The following RELN variants were observed in gnomAD, a reference collection of about 807,000 sequenced individuals.
The protein encoded by RELN is reelin.
Under a neutral mutation model 427.6 loss-of-function variants are expected in RELN, and 108 were observed. The ratio of observed to expected loss-of-function variants is 0.25; its 90% CI spans 0.22 to 0.30. The LOEUF (loss-of-function observed/expected upper bound fraction) is 0.30. Among genes scored for constraint, RELN ranks in the 10% least tolerant of loss-of-function variants. RELN has a pLI of 1.00. For synonymous variants in RELN, 1,524 were observed against 1,513.4 expected, an observed-to-expected ratio of 1.01 and a Z score of -0.16; for missense variants, 3,715 against 4,302.8, an observed-to-expected ratio of 0.86 and a Z score of 3.82.
intron 46 of RELN, among the ~76,000 whole-genome samples, chr7:103,529,712 C>T (rs1584267832): frequency 6.6e-6 from 1 of 151,984 alleles, no homozygotes; most frequent in Admixed American, 6.6e-5. Flanking sequence ...AATAAAGAGG[C>T]AGTACTAATA....
chr7:103,491,405 T>G (rs1312139531), intron 58 of RELN, among the ~76,000 whole-genome samples: 1 of 152,204 alleles, frequency 6.6e-6, no homozygotes, highest in Non-Finnish European at 1.5e-5. Flanking sequence ...ATATAAAGTT[T>G]CTTGGTGGCA....
chr7:103,913,365 C>T (rs993143114), intron 2 of RELN, among the ~76,000 whole-genome samples: 2 of 152,144 alleles, frequency 1.3e-5, no homozygotes, highest in African/African-American at 4.8e-5. Flanking sequence ...TTATTTGTCA[C>T]AGCTAGTTAA....
At chr7:103,728,247 G>A in intron 6 of RELN, 40 bp from the exon 7 acceptor site, 1 of 1,579,170 alleles carries the variant, frequency 6.3e-7, no homozygotes, top group Non-Finnish European at 8.7e-7. Context: ...TGAGAACTAA[G>A]TAGCACACGT....
intron 1 of RELN, among the ~76,000 whole-genome samples, chr7:103,957,906 A>G (rs992918622): frequency 1.3e-5 from 2 of 152,152 alleles, no homozygotes. Context: ...AAGGATAATA[A>G]CATATTACCC....
intron 20 of RELN, among the ~76,000 whole-genome samples, chr7:103,615,958 C>T (rs1253875502): frequency 1.3e-5 from 2 of 152,166 alleles, no homozygotes; most frequent in African/African-American, 4.8e-5. Flanking sequence ...GGCAGACACA[C>T]ATAGCCAAAG....
chr7:103,814,447 T>C (rs540581808), intron 3 of RELN, among the ~76,000 whole-genome samples: 10 of 152,308 alleles, frequency 6.6e-5, no homozygotes, highest in Admixed American at 6.5e-4. Context: ...TTGGAAAGAA[T>C]ATAGTTATCT....
At position 103,595,303 on chromosome 7, in the gene RELN, T is replaced by C. The variant is rs551194618; in HGVS notation, c.3540-811A>G. 1.4e-4 allele frequency among the ~76,000 whole-genome samples: 22 copies of C among 152,308 alleles called. No homozygotes were observed. The South Asian group carries it at 4.1e-3, about 29-fold the overall frequency. ...ACCATTATCAATTCCCTCTCTACTA[T>C]ATTGCATCTAGGAGAATCTCACAAG... On this transcript the variant is annotated intron_variant, in intron 25 of 64. Coordinates refer to ENST00000428762, the MANE Select transcript of RELN (RefSeq NM_005045.4).
chr7:103,779,672 T>C (rs1404089483), intron 3 of RELN, among the ~76,000 whole-genome samples: 1 of 152,186 alleles, frequency 6.6e-6, no homozygotes, highest in Non-Finnish European at 1.5e-5. Flanking sequence ...AATATGATGG[T>C]AGCTTTCAAT....
At chr7:103,845,337 AC>A (rs1365215474) in intron 2 of RELN, among the ~76,000 whole-genome samples, 30 of 152,122 alleles carry the variant, frequency 2.0e-4, no homozygotes, top group Admixed American at 2.0e-3. Flanking sequence ...ATGCGTCACC[AC>A]GCCTGGCTAA....
intron 25 of RELN, among the ~76,000 whole-genome samples, chr7:103,594,839 T>A (rs1831501744): frequency 1.3e-5 from 2 of 152,196 alleles, no homozygotes; most frequent in African/African-American, 4.8e-5. Context: ...TACATGAAGA[T>A]AATATTTAAC....
intron 2 of RELN, among the ~76,000 whole-genome samples, chr7:103,892,023 T>C (rs1794861381): frequency 6.6e-6 from 1 of 152,180 alleles, no homozygotes; most frequent in Non-Finnish European, 1.5e-5. Context: ...AACTGTCCCA[T>C]CTAGAACTGT....
chr7:103,636,525 G>A lies in RELN; in HGVS notation c.2070-57C>T, dbSNP rs1431853630. On this transcript the variant is annotated intron_variant, in intron 17 of 64. Coordinates refer to ENST00000428762, the MANE Select transcript of RELN (RefSeq NM_005045.4). Reference sequence around the variant, plus strand: ...ACTGTTGGCTGTTTCGGAGATTCTCGAATCTACTTTGGGGAGGAAGAAGTC... The same window carrying A: ...ACTGTTGGCTGTTTCGGAGATTCTCAAATCTACTTTGGGGAGGAAGAAGTC... The A allele has an allele frequency of 4.1e-5, 47 of 1,154,194 alleles. 1 individual carries two copies. The East Asian group carries it at 1.1e-3, about 27-fold the overall frequency. 71.5% of individuals were successfully genotyped at this position (1,154,194 alleles called of 1,614,324 possible). A position where few individuals can be genotyped will look rare whatever the true frequency, so the allele number is the denominator to read the frequency against.
intron 1 of RELN, among the ~76,000 whole-genome samples, chr7:103,946,469 G>A (rs1796222359): frequency 1.3e-5 from 2 of 152,096 alleles, no homozygotes; most frequent in South Asian, 4.1e-4. Context: ...ATTTAAAATG[G>A]TAACTAAGTA....
chr7:103,806,615 A>T (rs764290549), intron 3 of RELN, among the ~76,000 whole-genome samples: 1 of 152,118 alleles, frequency 6.6e-6, no homozygotes, highest in Non-Finnish European at 1.5e-5. Context: ...GTGAGCCACC[A>T]TGCCCGGCCA....
chr7:103,661,593 A>G, intron 11 of RELN, 66 bp from the exon 12 acceptor site: 1 of 1,471,002 alleles, frequency 6.8e-7, no homozygotes, highest in Non-Finnish European at 9.4e-7. Flanking sequence ...AAAGAATAAC[A>G]TTTAGTTTTT....
chr7:103,478,531 A>C, intron 63 of RELN, 137 bp from the exon 64 acceptor site: 1 of 676,486 alleles, frequency 1.5e-6, no homozygotes, highest in Non-Finnish European at 2.7e-6. Context: ...ATCTCTTTTG[A>C]AAATAAAAAT....
In RELN at chr7:103,574,161, T is replaced by G. The variant is rs750670413; in HGVS notation, c.4442A>C (p.Lys1481Thr). ...GTGCGTLNDG[K>T]SLYFNGPGKR... ...CCCAGGGCCATTGAAGTAGAGAGAT[T>G]TGCCATCGTTAAGTGTTCCACAGCC... Residue 1481 changes from lysine to threonine, a missense_variant, in exon 30 of 65, where the codon AAA (lysine) becomes ACA (threonine). Coordinates refer to ENST00000428762, the MANE Select transcript of RELN (RefSeq NM_005045.4). 6.2e-7 allele frequency: 1 copy of G among 1,614,176 alleles called. No individual in the cohort carries two copies. Among genetic ancestry groups the G allele is most frequent in the East Asian group, 2.2e-5 (1 of 44,888 alleles).
chr7:103,838,080 G>A (rs1160494494), intron 2 of RELN, among the ~76,000 whole-genome samples: 1 of 151,640 alleles, frequency 6.6e-6, no homozygotes, highest in Non-Finnish European at 1.5e-5. Context: ...GTGGTGGTGG[G>A]CGCCTGTAGT....
intron 1 of RELN, among the ~76,000 whole-genome samples, chr7:103,979,494 T>C (rs939005166): frequency 3.9e-5 from 6 of 152,196 alleles, no homozygotes; most frequent in Admixed American, 3.3e-4. Flanking sequence ...TCATTCAAAT[T>C]AGCTCAACAG....
Sources: gnomAD v4.1 joint callset for allele counts (sites outside exome capture counted in the v4.1 genomes callset) on GRCh38, gnomAD v4.1.1 for gene constraint, MANE v1.5 for transcripts, NCBI Gene and HGNC (gene_info 2026-07-23, HGNC 2026-07-21) for gene names.